NINJ2: variants seen among roughly 807,000 people sequenced by gnomAD.
NINJ2 encodes ninjurin-2.
Under a neutral mutation model 11.7 loss-of-function variants are expected in NINJ2, and 12 were observed. The observed-to-expected ratio is 1.02, with a 90% CI of 0.66 to 1.66. NINJ2 has a LOEUF of 1.66. Ranked by LOEUF, NINJ2 falls within the 40% of genes most tolerant of loss-of-function variation. The pLI is 0.00. For missense variants in NINJ2, 187 were observed against 181.8 expected, an observed-to-expected ratio of 1.03 and a Z score of -0.16; for synonymous variants, 93 against 76.8, an observed-to-expected ratio of 1.21 and a Z score of -1.10.
rs1948310975 is a variant in NINJ2, at chr12:633,732, T to C, written c.33+29596A>G. ...CAGGAGGCTGAGGCAGGAGAATCAT[T>C]TGAACCCAGGAGGTGGAGGTTGCAG... On this transcript the variant is annotated intron_variant, in intron 1 of 3. Coordinates refer to ENST00000305108, the MANE Select transcript of NINJ2 (RefSeq NM_016533.6). The surrounding 1 kb of genome is among the most constrained non-coding windows in gnomAD (Gnocchi z 4.3). Among the ~76,000 whole-genome samples the C allele has an allele frequency of 6.6e-6, 1 of 152,062 alleles. No homozygotes were observed. The highest frequency in any genetic ancestry group is 2.4e-5 in the African/African-American group (1 of 41,398).
rs1947625864 is a variant in NINJ2 at position 585,580 on chromosome 12, A to G, written c.34-19402T>C. Among the ~76,000 whole-genome samples the G allele has an allele frequency of 6.6e-6, 1 of 151,764 alleles. No individual in the cohort carries two copies. The highest frequency in any genetic ancestry group is 2.4e-5 in the African/African-American group (1 of 41,108). ...GTTGGAGGGAAGGGAGGCTGAGCAC[A>G]GGCACGGTCACGCTGTGTTGCACCC... is the stretch of plus-strand genomic sequence containing the variant. On this transcript the variant is annotated intron_variant, in intron 1 of 3. Coordinates refer to ENST00000305108, the MANE Select transcript of NINJ2 (RefSeq NM_016533.6). The surrounding 1 kb of genome is among the most constrained non-coding windows in gnomAD (Gnocchi z 4.1).
chr12:610,996 A>G (rs1252770319), intron 1 of NINJ2, among the ~76,000 whole-genome samples: 1 of 152,046 alleles, frequency 6.6e-6, no homozygotes, highest in African/African-American at 2.4e-5. Context: ...CAACCTCCCA[A>G]AATGCTGGGA....
intron 1 of NINJ2, among the ~76,000 whole-genome samples, chr12:618,826 G>T (rs1019729241): frequency 9.2e-5 from 14 of 152,210 alleles, no homozygotes; most frequent in Non-Finnish European, 1.6e-4. Context: ...GTGGAGAAGA[G>T]CAAACACCCG....
At position 633,390 on chromosome 12, in the gene NINJ2, C is replaced by T. The variant is rs1024273691; in HGVS notation, c.33+29938G>A. Among the ~76,000 whole-genome samples, 7 of 152,010 alleles carry T rather than the reference C, an allele frequency of 4.6e-5. No homozygotes were observed. Among genetic ancestry groups the T allele is most frequent in the African/African-American group, 1.7e-4 (7 of 41,386 alleles). On this transcript the variant is annotated intron_variant, in intron 1 of 3. Transcript: ENST00000305108. This position sits in a 1 kb window ranked among gnomAD's most constrained non-coding sequence, Gnocchi z 4.3. ...GCACGTGCCTGTAATCCCAGCTACC[C>T]GGGTTGCTGAGGCAGGCGAATCACT...
chr12:658,709 T>C (rs933146384), intron 1 of NINJ2, among the ~76,000 whole-genome samples: 1 of 143,758 alleles, frequency 7.0e-6, no homozygotes, highest in Non-Finnish European at 1.5e-5. Context: ...TGCTATGCTA[T>C]GCTATGCTAT....
chr12:580,067 T>A lies in NINJ2; in HGVS notation c.34-13889A>T, dbSNP rs1441281830. ...ACTCCTCTCTGGAATGATCTAGATA[T>A]GCTACCTATAAATATTTTAGACTGG... is the stretch of plus-strand genomic sequence containing the variant. On this transcript the variant is annotated intron_variant, in intron 1 of 3. Coordinates refer to ENST00000305108, the MANE Select transcript of NINJ2 (RefSeq NM_016533.6). This position sits in a 1 kb window ranked among gnomAD's most constrained non-coding sequence, Gnocchi z 4.7. 6.6e-6 allele frequency among the ~76,000 whole-genome samples: 1 copy of A among 152,188 alleles called. No homozygotes were observed. The highest frequency in any genetic ancestry group is 2.4e-5 in the African/African-American group (1 of 41,434).
chr12:597,923 G>A (rs943450820), intron 1 of NINJ2, among the ~76,000 whole-genome samples: 6 of 152,264 alleles, frequency 3.9e-5, no homozygotes, highest in African/African-American at 1.4e-4. Flanking sequence ...AAGCCCTCTA[G>A]TATAATGCTG....
intron 1 of NINJ2, among the ~76,000 whole-genome samples, chr12:635,873 G>C (rs980594120): frequency 6.6e-6 from 1 of 152,140 alleles, no homozygotes; most frequent in Non-Finnish European, 1.5e-5. Context: ...TCAGGAGTTC[G>C]AGACCAGCCT....
rs34689219 is a variant in NINJ2, at chr12:641,680, TA to T, written c.33+21647del. Among the ~76,000 whole-genome samples the T allele has an allele frequency of 2.0e-5, 3 of 151,590 alleles. No homozygotes were observed. The South Asian group carries it at 6.2e-4, about 32-fold the overall frequency. The stretch of plus-strand genomic sequence containing the variant: ...TAACAGGGTGAAACCCCGTCTCTAC[TA>T]AAAAATACAAAAAATGAGCCGGGCG... On this transcript the variant is annotated intron_variant, in intron 1 of 3. Transcript: ENST00000305108.
At position 614,674 on chromosome 12, in the gene NINJ2, CTTAG is replaced by C. The variant is rs975095865; in HGVS notation, c.34-48500_34-48497del. Among the ~76,000 whole-genome samples, 4 of 152,156 alleles carry C rather than the reference CTTAG, an allele frequency of 2.6e-5. No individual in the cohort carries two copies. Among genetic ancestry groups the C allele is most frequent in the South Asian group, 2.1e-4 (1 of 4,822 alleles). Reference sequence around the variant, plus strand: ...GCTTCCCTCTTATCCAGAGAAGTCACTTAGTTAGCTCATTTTTTTTTCCTCCAAA... The same window carrying C: ...GCTTCCCTCTTATCCAGAGAAGTCACTTAGCTCATTTTTTTTTCCTCCAAA... On this transcript the variant is annotated intron_variant, in intron 1 of 3. Transcript: ENST00000305108. This position sits in a 1 kb window ranked among gnomAD's most constrained non-coding sequence, Gnocchi z 5.1.
Position 566,021 on chromosome 12 carries a change from G to C in NINJ2, c.191C>G (p.Thr64Ser). Residue 64 changes from threonine (T) to serine (S), a missense_variant, in exon 2 of 4, where the codon ACC becomes AGC. By Grantham distance (58) the Thr-to-Ser change is moderately conservative (BLOSUM62 1). Coordinates refer to ENST00000305108, the MANE Select transcript of NINJ2 (RefSeq NM_016533.6). Reference sequence around the variant, plus strand: ...GAGGCTGATGAGGGTGACCAGGGTGGTGTAGTAGTGAGAGGATGGTCCCTG... The same window carrying C: ...GAGGCTGATGAGGGTGACCAGGGTGCTGTAGTAGTGAGAGGATGGTCCCTG... Reference protein sequence around the residue: ...LEQGPSSHYYTTLVTLISLSL... With the variant: ...LEQGPSSHYYSTLVTLISLSL... 3 of 1,614,198 alleles carry C rather than the reference G, an allele frequency of 1.9e-6. No individual in the cohort carries two copies. Among genetic ancestry groups the C allele is most frequent in the Non-Finnish European group, 2.5e-6 (3 of 1,180,022 alleles).
intron 1 of NINJ2, among the ~76,000 whole-genome samples, chr12:611,233 TTC>T (rs781378934): frequency 7.8e-5 from 7 of 89,394 alleles, no homozygotes; most frequent in Non-Finnish European, 1.1e-4. Flanking sequence ...TTCTTTTTCT[TTC>T]TTTCTTTCTT....
intron 1 of NINJ2, among the ~76,000 whole-genome samples, chr12:594,858 T>C (rs1056661253): frequency 6.6e-6 from 1 of 152,094 alleles, no homozygotes; most frequent in Admixed American, 6.6e-5. Flanking sequence ...AGGCAAAAGA[T>C]GTAGAATAGC....
intron 1 of NINJ2, among the ~76,000 whole-genome samples, chr12:656,384 A>T (rs1400557251): frequency 6.6e-6 from 1 of 151,678 alleles, no homozygotes; most frequent in Non-Finnish European, 1.5e-5. Flanking sequence ...AAATAAAATA[A>T]ACCCAAAATA....
At chr12:607,953 G>A (rs1264754075) in intron 1 of NINJ2, among the ~76,000 whole-genome samples, 1 of 152,114 alleles carries the variant, frequency 6.6e-6, no homozygotes, top group Non-Finnish European at 1.5e-5. Flanking sequence ...TTTGTGCTGG[G>A]GGTTCCGTTG....
At chr12:648,370 G>A (rs573381393) in intron 1 of NINJ2, among the ~76,000 whole-genome samples, 4 of 152,168 alleles carry the variant, frequency 2.6e-5, no homozygotes, top group Non-Finnish European at 5.9e-5. Flanking sequence ...GAGCCACTGC[G>A]CCCGGCCTAA....
chr12:610,218 A>G, intron 1 of NINJ2: 2 of 774,674 alleles, frequency 2.6e-6, no homozygotes, highest in Non-Finnish European at 2.2e-6. Context: ...GACACCCAGC[A>G]GACACAGAAT....
Position 565,199 on chromosome 12 carries a change from TCCTC to T in NINJ2, c.*18+14_*18+17del. Reference sequence around the variant, plus strand: ...CCTGGGGAGTCCCTGGAGCTGGGGTTCCTCCATCCTCCCTCACCTGGGTCCCAGG... The same window carrying T: ...CCTGGGGAGTCCCTGGAGCTGGGGTTCATCCTCCCTCACCTGGGTCCCAGG... On this transcript the variant is annotated intron_variant, in intron 3 of 3. Transcript: ENST00000305108. 1 of 1,587,946 alleles carries T rather than the reference TCCTC, an allele frequency of 6.3e-7. No individual in the cohort carries two copies. Among genetic ancestry groups the T allele is most frequent in the Non-Finnish European group, 8.6e-7 (1 of 1,164,702 alleles).
At position 628,020 on chromosome 12, in the gene NINJ2, C is replaced by G. The variant is rs571505801; in HGVS notation, c.33+35308G>C. ...TGCCGCATCCTCCCCGCCCTGCCCC[C>G]GGCTCCTCTTTCACACCCTGTGCCA... is the stretch of plus-strand genomic sequence containing the variant. On this transcript the variant is annotated intron_variant, in intron 1 of 3. Transcript: ENST00000305108. The surrounding 1 kb of genome is among the most constrained non-coding windows in gnomAD (Gnocchi z 4.4). Among the ~76,000 whole-genome samples the G allele has an allele frequency of 6.6e-6, 1 of 152,230 alleles. No homozygotes were observed. The highest frequency in any genetic ancestry group is 2.4e-5 in the African/African-American group (1 of 41,478).
Sources: gnomAD v4.1 joint callset for allele counts (sites outside exome capture counted in the v4.1 genomes callset) on GRCh38, gnomAD v4.1.1 for gene constraint, Gnocchi (gnomAD v3.1) non-coding constraint, MANE v1.5 for transcripts, NCBI Gene and HGNC (gene_info 2026-07-23, HGNC 2026-07-21) for gene names.